LRRC69: variants seen among roughly 807,000 people sequenced by gnomAD.
LRRC69 encodes leucine rich repeat containing 69, also known as leucine-rich repeat-containing protein 69.
LRRC69 carries 42 observed loss-of-function variants against 37.8 expected under a neutral mutation model. The ratio of observed to expected loss-of-function variants is 1.11; its 90% CI spans 0.87 to 1.44. The LOEUF (loss-of-function observed/expected upper bound fraction) is 1.44, where lower values mean the gene tolerates loss of function less well. LRRC69 is among the 40% of genes most tolerant of loss of function. The probability of loss-of-function intolerance (pLI) is 0.00; values close to 1 mark genes in which losing one functional copy is unlikely to be tolerated. For missense variants in LRRC69, 357 were observed against 401.9 expected (o/e 0.89, Z 0.96); for synonymous variants, 141 against 143.1 (o/e 0.99, Z 0.11).
At chr8:91,184,103 C>A (rs1809367596) in intron 5 of LRRC69, among the ~76,000 whole-genome samples, 3 of 152,036 alleles carry the variant, frequency 2.0e-5, no homozygotes, top group Admixed American at 6.5e-5. Flanking sequence ...TATGGTGAAA[C>A]CCCATCTCTG....
At chr8:91,103,637 C>G (rs965899236) in intron 1 of LRRC69, among the ~76,000 whole-genome samples, 2 of 151,908 alleles carry the variant, frequency 1.3e-5, no homozygotes, top group East Asian at 3.9e-4. Flanking sequence ...TTTACAGTTC[C>G]AAAAAATAAA....
At chr8:91,144,946 A>G (rs1358030927) in intron 5 of LRRC69, among the ~76,000 whole-genome samples, 3 of 152,038 alleles carry the variant, frequency 2.0e-5, no homozygotes, top group African/African-American at 7.2e-5. Context: ...AATGATTTCC[A>G]TATATGAGCA....
chr8:91,102,853 C>T lies in LRRC69; in HGVS notation c.183+9C>T, dbSNP rs1207688482. 1.3e-6 allele frequency: 2 copies of T among 1,534,348 alleles called. No homozygotes were observed. Among genetic ancestry groups the T allele is most frequent in the East Asian group, 2.5e-5 (1 of 40,578 alleles). On this transcript the variant is annotated intron_variant, in intron 1 of 7. Coordinates refer to ENST00000448384, the Ensembl canonical transcript of LRRC69. ...TATGCAACTTGACCCAGGTGAGGAA[C>T]AGTGTTTTGCTGTTGTGGTTTGGTA...
chr8:91,118,350 GCAAAAAAAAAAAAAAAAAAAAAAAAA>G (rs1563594891), intron 1 of LRRC69: 90 of 20,178 alleles, frequency 4.5e-3, no homozygotes, highest in South Asian at 0.015. Context: ...TACTAAAAAT[GCAAAAAAAAAAAAAAAAAAAAAAAAA>G]AAAAAAAAAA....
chr8:91,126,036 G>A (rs192663269), intron 2 of LRRC69, among the ~76,000 whole-genome samples: 1 of 151,874 alleles, frequency 6.6e-6, no homozygotes, highest in Admixed American at 6.6e-5. Flanking sequence ...TTGACTTGGG[G>A]TTATTGAACT....
intron 6 of LRRC69, among the ~76,000 whole-genome samples, chr8:91,197,214 C>G (rs980464533): frequency 6.6e-6 from 1 of 152,110 alleles, no homozygotes; most frequent in Non-Finnish European, 1.5e-5. Flanking sequence ...GATCTCCAGC[C>G]GCGTGCTGGG....
intron 3 of LRRC69, among the ~76,000 whole-genome samples, chr8:91,128,145 CT>C (rs1813751878): frequency 6.6e-6 from 1 of 151,798 alleles, no homozygotes; most frequent in Non-Finnish European, 1.5e-5. Flanking sequence ...TTAAAAATCC[CT>C]TGGGAGATCT....
chr8:91,117,462 CAGATCT>C (rs1282055842), intron 1 of LRRC69, among the ~76,000 whole-genome samples: 1 of 151,120 alleles, frequency 6.6e-6, no homozygotes, highest in East Asian at 1.9e-4. Context: ...GTGGGAGAAG[CAGATCT>C]AGTTTGTCCA....
At chr8:91,174,293 C>T (rs1437391803) in intron 5 of LRRC69, among the ~76,000 whole-genome samples, 1 of 152,130 alleles carries the variant, frequency 6.6e-6, no homozygotes, top group Non-Finnish European at 1.5e-5. Context: ...AAACAGTATT[C>T]TTTTGGTTAA....
At chr8:91,131,244 T>G (rs576137289) in intron 3 of LRRC69, among the ~76,000 whole-genome samples, 1,546 of 151,124 alleles carry the variant, frequency 0.01, 27 homozygotes, top group African/African-American at 0.03. Context: ...TCTTTTTTTT[T>G]TTTTGTTTTG....
At chr8:91,127,377 T>C (rs1813734895) in intron 3 of LRRC69, among the ~76,000 whole-genome samples, 1 of 151,800 alleles carries the variant, frequency 6.6e-6, no homozygotes, top group Non-Finnish European at 1.5e-5. Context: ...AGTGTAAACA[T>C]TGGGCTTTGA....
At position 91,110,981 on chromosome 8, in the gene LRRC69, C is replaced by T. The variant is rs532602560; in HGVS notation, c.183+8137C>T. ...CTGATGTGGAGCCATAATGACTATT[C>T]CATAGTTTGAGTCTTTACAGAGATG... On this transcript the variant is annotated intron_variant, in intron 1 of 7. Transcript: ENST00000448384. Among the ~76,000 whole-genome samples the T allele has an allele frequency of 7.2e-5, 11 of 152,110 alleles. No individual in the cohort carries two copies. The South Asian group carries it at 2.3e-3, about 32-fold the overall frequency.
intron 5 of LRRC69, chr8:91,139,188 AAG>A (rs1250478467): frequency 6.6e-6 from 1 of 151,818 alleles, no homozygotes; most frequent in Non-Finnish European, 1.5e-5. Flanking sequence ...AAAATTTTGT[AAG>A]TTGTACAACT....
At chr8:91,130,973 C>T (rs893904382) in intron 3 of LRRC69, 1 of 151,878 alleles carries the variant, frequency 6.6e-6, no homozygotes, top group Admixed American at 6.6e-5. Context: ...TCATCATGAC[C>T]TAATCATCTC....
intron 5 of LRRC69, among the ~76,000 whole-genome samples, chr8:91,149,726 G>A (rs1236373427): frequency 6.6e-6 from 1 of 151,900 alleles, no homozygotes; most frequent in Non-Finnish European, 1.5e-5. Flanking sequence ...AGCATGGAAT[G>A]TTCTTCCATT....
intron 5 of LRRC69, chr8:91,157,744 T>A: frequency 6.2e-7 from 1 of 1,606,982 alleles, no homozygotes; most frequent in East Asian, 2.2e-5. Flanking sequence ...AGTCTGAGGA[T>A]TCCACCTTCT....
chr8:91,127,915 T>C (rs1458642526), intron 3 of LRRC69, among the ~76,000 whole-genome samples: 2 of 152,066 alleles, frequency 1.3e-5, no homozygotes, highest in African/African-American at 4.8e-5. Flanking sequence ...TATTCCAATT[T>C]ACTTGTCTAT....
At chr8:91,200,225 T>G (rs530931013) in intron 6 of LRRC69, among the ~76,000 whole-genome samples, 2 of 152,340 alleles carry the variant, frequency 1.3e-5, no homozygotes, top group Admixed American at 6.5e-5. Flanking sequence ...GATTTAGACC[T>G]TAGTGAACAT....
intron 5 of LRRC69, among the ~76,000 whole-genome samples, chr8:91,178,137 T>G (rs1159657601): frequency 6.6e-6 from 1 of 152,198 alleles, no homozygotes; most frequent in Non-Finnish European, 1.5e-5. Flanking sequence ...CGTGAGCCAC[T>G]GCGCCCGGCC....
Sources: allele counts gnomAD v4.1 joint callset (sites outside exome capture counted in the v4.1 genomes callset), GRCh38; gene constraint gnomAD v4.1.1; transcripts MANE v1.5; gene names NCBI Gene and HGNC (gene_info 2026-07-23, HGNC 2026-07-21).